CCDC142: variants seen among roughly 807,000 people sequenced by gnomAD.
CCDC142 encodes coiled-coil domain-containing protein 142.
Under a neutral mutation model 83.8 loss-of-function variants are expected in CCDC142, and 67 were observed. The observed-to-expected ratio is 0.80, with a 90% CI of 0.66 to 0.98. The LOEUF is 0.98. Ranked by LOEUF, CCDC142 falls within the 50% of genes least tolerant of loss-of-function variation. The probability of loss-of-function intolerance (pLI) is 0.00; values close to 1 mark genes in which losing one functional copy is unlikely to be tolerated. For synonymous variants in CCDC142, 421 were observed against 421.2 expected (o/e 1.00, Z 0.01); for missense variants, 905 against 946.8 (o/e 0.96, Z 0.58).
Position 74,482,494 on chromosome 2 carries a change from A to G in CCDC142, c.344T>C (p.Leu115Pro). ...CTTCATGAGTCGCACAGCCGACTGT[A>G]GGTGGTAGGCGCAGTCTCGGGCCTG... ...LLQARDCAYHLQSAVRLMKTL... is the reference protein window; with the variant it reads ...LLQARDCAYHPQSAVRLMKTL... The change falls in exon 1 of 9, where the codon CTA (leucine) becomes CCA (proline). Residue 115 changes from leucine to proline, a missense_variant. Coordinates refer to ENST00000393965, the MANE Select transcript of CCDC142 (RefSeq NM_001365575.2). The surrounding 1 kb of genome is among the most constrained non-coding windows in gnomAD (Gnocchi z 5.0). The G allele has an allele frequency of 6.4e-7, 1 of 1,558,896 alleles. No homozygotes were observed. Among genetic ancestry groups the G allele is most frequent in the Non-Finnish European group, 8.7e-7 (1 of 1,150,758 alleles).
chr2:74,482,425 G>C lies in CCDC142; in HGVS notation c.413C>G (p.Pro138Arg), dbSNP rs755716621. 8.1e-5 allele frequency: 127 copies of C among 1,558,612 alleles called. No individual in the cohort carries two copies. Among genetic ancestry groups the C allele is most frequent in the Non-Finnish European group, 9.8e-5 (113 of 1,151,364 alleles). The change falls in exon 1 of 9, where the codon CCC becomes CGC. Residue 138 changes from proline to arginine, a missense_variant. Pro to Arg is a moderately radical substitution (Grantham distance 103). Around this residue, in one of 3 missense-constraint regions of CCDC142, gnomAD observed 591 missense variants for 571.4 expected, o/e 1.03. Transcript: ENST00000393965. The surrounding 1 kb of genome is among the most constrained non-coding windows in gnomAD (Gnocchi z 5.0). ...CAGCTGCAGGTCGCGGCACCACTGG[G>C]GCAAGGGGCTAGGGCCGCCGGATGG... is the stretch of plus-strand genomic sequence containing the variant. ...GSPSGGPSPL[P>R]QWCRDLQLHP...
rs749874138 is a variant in CCDC142, at chr2:74,475,739, G to A, written c.1504-13C>T. ...CTTCAGGCAGGAGCTGTAGGGATAG[G>A]GAGAAAGTAAAAGGGGCTTGTCAAA... On this transcript the variant is annotated splice_polypyrimidine_tract_variant and intron_variant, in intron 5 of 8. Transcript: ENST00000393965. 3 of 1,537,656 alleles carry A rather than the reference G, an allele frequency of 2.0e-6. No homozygotes were observed. The highest frequency in any genetic ancestry group is 1.7e-5 in the Admixed American group (1 of 58,776).
chr2:74,481,567 A>G, intron 1 of CCDC142, 29 bp from the exon 2 acceptor site: 4 of 1,604,418 alleles, frequency 2.5e-6, no homozygotes, highest in Non-Finnish European at 3.4e-6. Context: ...CTGGGGCCTG[A>G]AAACAAGGTC....
chr2:74,475,180 T>G, intron 7 of CCDC142, 45 bp downstream of exon 7: 2 of 1,613,638 alleles, frequency 1.2e-6, no homozygotes, highest in Admixed American at 3.3e-5. Context: ...CCCTTCCTTT[T>G]CCCAGTTCCA....
Position 74,474,751 on chromosome 2 carries a change from C to A in CCDC142, c.2048G>T (p.Ser683Ile), listed in dbSNP as rs1273838913. 3.1e-6 allele frequency: 5 copies of A among 1,613,766 alleles called. No homozygotes were observed. In the East Asian group the frequency reaches 6.7e-5, roughly 22 times the overall value. Reference protein sequence around the residue: ...TTKLPSSCLNSLESLEPPLQP... With the variant: ...TTKLPSSCLNILESLEPPLQP... ...GAGCGGGGGCTCCAAGCTCTCCAGG[C>A]TATTGAGGCAGCTGCTGGGCAATTT... is the stretch of plus-strand genomic sequence containing the variant. The change falls in exon 9 of 9, where the codon AGC becomes ATC. Residue 683 changes from serine to isoleucine, a missense_variant. Ser to Ile is a moderately radical substitution (Grantham distance 142). Coordinates refer to ENST00000393965, the MANE Select transcript of CCDC142 (RefSeq NM_001365575.2).
chr2:74,481,187 C>A, intron 3 of CCDC142, 36 bp downstream of exon 3: 11 of 1,613,302 alleles, frequency 6.8e-6, no homozygotes, highest in Non-Finnish European at 7.6e-6. Context: ...ATATCCTCAA[C>A]TGCTCTGTGT....
At chr2:74,477,238 C>T (rs1316020718) in intron 5 of CCDC142, among the ~76,000 whole-genome samples, 2 of 152,092 alleles carry the variant, frequency 1.3e-5, no homozygotes, top group South Asian at 4.1e-4. Context: ...CATGCCTCAG[C>T]CTCTGAGCAG....
chr2:74,481,416 G>A, intron 2 of CCDC142, 36 bp downstream of exon 2: 1 of 1,614,038 alleles, frequency 6.2e-7, no homozygotes, highest in African/African-American at 1.3e-5. Flanking sequence ...CGGTAACCTG[G>A]GACTTATGTC....
Position 74,475,623 on chromosome 2 carries a change from C to A in CCDC142, c.1607G>T (p.Arg536Leu). ...GGATGAGGAGTTACCAGGACAGAGA[C>A]GAAGCCGCCAGTACCGACCCCGTGG... ...YMPRGRYWRL[R>L]LCPEPPSAPS... Residue 536 changes from arginine (R) to leucine (L), a missense_variant, in exon 6 of 9, where the codon CGT (arginine) becomes CTT (leucine). Physicochemically the swap from Arg to Leu is moderately radical, Grantham distance 102. Coordinates refer to ENST00000393965, the MANE Select transcript of CCDC142 (RefSeq NM_001365575.2). 1 of 1,613,468 alleles carries A rather than the reference C, an allele frequency of 6.2e-7. No individual in the cohort carries two copies. The highest frequency in any genetic ancestry group is 1.1e-5 in the South Asian group (1 of 91,064).
At position 74,482,024 on chromosome 2, in the gene CCDC142, C is replaced by G; in HGVS notation, c.814G>C (p.Gly272Arg). 5.0e-6 allele frequency: 8 copies of G among 1,613,792 alleles called. No homozygotes were observed. The highest frequency in any genetic ancestry group is 6.8e-6 in the Non-Finnish European group (8 of 1,180,004). Residue 272 changes from glycine (G) to arginine (R), a missense_variant, in exon 1 of 9, where the codon GGG (glycine) becomes CGG (arginine). Gly to Arg is a moderately radical substitution (Grantham distance 125). Around this residue, in one of 3 missense-constraint regions of CCDC142, gnomAD observed 591 missense variants for 571.4 expected, o/e 1.03. Coordinates refer to ENST00000393965, the MANE Select transcript of CCDC142 (RefSeq NM_001365575.2). This position sits in a 1 kb window ranked among gnomAD's most constrained non-coding sequence, Gnocchi z 5.0. The stretch of plus-strand genomic sequence containing the variant: ...CCCAGCAGCCCTGGTAGCAGATCCC[C>G]CTCCTCTTGGCACCGCCTGCGGAGC... ...DQLRRRCQEE[G>R]DLLPGLLGLV...
In CCDC142 at chr2:74,482,512, C is replaced by G; in HGVS notation, c.326G>C (p.Arg109Pro). 6 of 1,570,176 alleles carry G rather than the reference C, an allele frequency of 3.8e-6. No individual in the cohort carries two copies. The highest frequency in any genetic ancestry group is 5.2e-6 in the Non-Finnish European group (6 of 1,157,430). Reference sequence around the variant, plus strand: ...CGACTGTAGGTGGTAGGCGCAGTCTCGGGCCTGGAGGAGCTGCTCCCGCTC... The same window carrying G: ...CGACTGTAGGTGGTAGGCGCAGTCTGGGGCCTGGAGGAGCTGCTCCCGCTC... ...HREREQLLQA[R>P]DCAYHLQSAV... The change falls in exon 1 of 9, where the codon CGA becomes CCA. Residue 109 changes from arginine to proline, a missense_variant. By Grantham distance (103) the Arg-to-Pro change is moderately radical. Around this residue, in one of 3 missense-constraint regions of CCDC142, gnomAD observed 591 missense variants for 571.4 expected, o/e 1.03. Transcript: ENST00000393965. This position sits in a 1 kb window ranked among gnomAD's most constrained non-coding sequence, Gnocchi z 5.0.
chr2:74,475,761 C>A, intron 5 of CCDC142, 35 bp from the exon 6 acceptor site: 1 of 1,314,976 alleles, frequency 7.6e-7, no homozygotes, highest in South Asian at 1.2e-5. Context: ...AGGGGCTTGT[C>A]AAATTATGAT....
Position 74,482,572 on chromosome 2 carries a change from T to C in CCDC142, c.266A>G (p.Gln89Arg). ...AGGGPIPPALQRLRAVLLRLH... is the reference protein window; with the variant it reads ...AGGGPIPPALRRLRAVLLRLH... Reference sequence around the variant, plus strand: ...CCGCAGCAACACCGCCCGGAGACGCTGCAGCGCGGGAGGGATCGGGCCGCC... The same window carrying C: ...CCGCAGCAACACCGCCCGGAGACGCCGCAGCGCGGGAGGGATCGGGCCGCC... Residue 89 changes from glutamine to arginine, a missense_variant, in exon 1 of 9, where the codon CAG becomes CGG. By Grantham distance (43) the Gln-to-Arg change is conservative (BLOSUM62 1). Coordinates refer to ENST00000393965, the MANE Select transcript of CCDC142 (RefSeq NM_001365575.2). This position sits in a 1 kb window ranked among gnomAD's most constrained non-coding sequence, Gnocchi z 5.0. The C allele has an allele frequency of 6.2e-7, 1 of 1,603,056 alleles. No homozygotes were observed. Among genetic ancestry groups the C allele is most frequent in the South Asian group, 1.1e-5 (1 of 90,238 alleles).
rs899282687 is a variant in CCDC142 at position 74,473,514 on chromosome 2, G to T, written c.*1032C>A. On this transcript the variant is annotated 3_prime_UTR_variant, in exon 9 of 9. Transcript: ENST00000393965. Reference sequence around the variant, plus strand: ...TTTTTGTATTTTTAGTAGAGGCGGGGTTTCACCGCGTTAGCCAGGATGGTC... The same window carrying T: ...TTTTTGTATTTTTAGTAGAGGCGGGTTTTCACCGCGTTAGCCAGGATGGTC... Among the ~76,000 whole-genome samples the T allele has an allele frequency of 2.0e-5, 3 of 152,074 alleles. No individual in the cohort carries two copies. The highest frequency in any genetic ancestry group is 7.2e-5 in the African/African-American group (3 of 41,410).
chr2:74,481,683 A>T, intron 1 of CCDC142, 134 bp downstream of exon 1: 1 of 1,372,876 alleles, frequency 7.3e-7, no homozygotes, highest in Non-Finnish European at 1.0e-6. Context: ...AAAGCTCAGA[A>T]GCTATAGTCT....
intron 5 of CCDC142, among the ~76,000 whole-genome samples, chr2:74,479,370 A>G (rs1425843494): frequency 6.6e-6 from 1 of 152,184 alleles, no homozygotes; most frequent in Admixed American, 6.6e-5. Context: ...AAAAAACCAG[A>G]CATCTTCCAC....
In CCDC142 at chr2:74,473,131, T is replaced by C; in HGVS notation, c.*1415A>G. ...ACTGAAGATTAAACGTAGTGAGCTC[T>C]GAATAGCCAAAGCTTAAACGTGAAA... On this transcript the variant is annotated 3_prime_UTR_variant, in exon 9 of 9. Transcript: ENST00000393965. 1 of 220,532 alleles carries C rather than the reference T, an allele frequency of 4.5e-6. No homozygotes were observed. The highest frequency in any genetic ancestry group is 9.3e-6 in the Non-Finnish European group (1 of 107,972). The allele number at this position is 220,532 out of a possible 1,614,324, so 13.7% of individuals were successfully genotyped here.
rs201174153 is a variant in CCDC142 at position 74,482,307 on chromosome 2, G to A, written c.531C>T (p.Cys177=). The A allele has an allele frequency of 5.0e-6, 8 of 1,610,952 alleles. No homozygotes were observed. Among genetic ancestry groups the A allele is most frequent in the Middle Eastern group, 1.7e-4 (1 of 6,052 alleles). ...LARPIGLAAQ[C]LEAVIEMQLR... is the part of the protein sequence containing the mutation. The stretch of plus-strand genomic sequence containing the variant: ...GCTGCATCTCGATGACAGCCTCCAG[G>A]CACTGGGCGGCTAGTCCGATGGGGC... The change falls in exon 1 of 9, where the codon TGC becomes TGT. Residue 177 remains cysteine (C), a synonymous_variant. Coordinates refer to ENST00000393965, the MANE Select transcript of CCDC142 (RefSeq NM_001365575.2). The surrounding 1 kb of genome is among the most constrained non-coding windows in gnomAD (Gnocchi z 5.0).
intron 7 of CCDC142, 26 bp downstream of exon 7, chr2:74,475,199 C>T: frequency 6.2e-7 from 1 of 1,614,128 alleles, no homozygotes; most frequent in African/African-American, 1.3e-5. Flanking sequence ...CATTCACCCC[C>T]TGCCACTTCC....
Sources: allele counts gnomAD v4.1 joint callset (sites outside exome capture counted in the v4.1 genomes callset), GRCh38; gene constraint gnomAD v4.1.1; regional missense constraint gnomAD v4.1.1; non-coding constraint Gnocchi (gnomAD v3.1); transcripts MANE v1.5; gene names NCBI Gene and HGNC (gene_info 2026-07-23, HGNC 2026-07-21).